The following C10orf90 variants were observed in gnomAD, a reference collection of about 807,000 sequenced individuals.
The protein encoded by C10orf90 is (E2-independent) E3 ubiquitin-conjugating enzyme FATS.
In C10orf90, 56 loss-of-function variants were observed where a neutral mutation model predicts 62.5. The observed-to-expected ratio is 0.90, with a 90% CI of 0.72 to 1.12. The LOEUF (loss-of-function observed/expected upper bound fraction) is 1.12, where lower values mean the gene tolerates loss of function less well. Among genes scored for constraint, C10orf90 ranks in the 50% most tolerant of loss-of-function variants. The pLI is 0.00. For synonymous variants in C10orf90, 386 were observed against 340.4 expected, an observed-to-expected ratio of 1.13 and a Z score of -1.47; for missense variants, 970 against 880.4, an observed-to-expected ratio of 1.10 and a Z score of -1.29.
At chr10:126,430,877 A>G (rs1857533569) in intron 7 of C10orf90, among the ~76,000 whole-genome samples, 2 of 152,214 alleles carry the variant, frequency 1.3e-5, no homozygotes, top group Non-Finnish European at 2.9e-5. Flanking sequence ...GCTTGAGAAT[A>G]GACAGAATTT....
At chr10:126,521,087 G>A (rs150107656) in intron 2 of C10orf90, among the ~76,000 whole-genome samples, 9 of 152,116 alleles carry the variant, frequency 5.9e-5, no homozygotes, top group African/African-American at 2.2e-4. Context: ...CCCAACAGGC[G>A]CTACCGTGCA....
At chr10:126,512,958 C>A (rs985198247) in intron 3 of C10orf90, among the ~76,000 whole-genome samples, 1 of 152,098 alleles carries the variant, frequency 6.6e-6, no homozygotes, top group Non-Finnish European at 1.5e-5. Context: ...CTAACACAAG[C>A]GTTTTGGGTA....
rs2134089630 is a variant in C10orf90 at position 126,456,291 on chromosome 10, A to G, written c.2188+2749T>C. 6.6e-6 allele frequency among the ~76,000 whole-genome samples: 1 copy of G among 152,182 alleles called. No homozygotes were observed. The highest frequency in any genetic ancestry group is 2.1e-4 in the South Asian group (1 of 4,822). On this transcript the variant is annotated intron_variant, in intron 7 of 9. Transcript: ENST00000488181. The surrounding 1 kb of genome is among the most constrained non-coding windows in gnomAD (Gnocchi z 4.9). ...GTCTGATTTCACTGACCTAACACAA[A>G]CGAACCCAAAAGTAAAGCTCTCATC...
chr10:126,523,563 A>AT (rs1235798215), intron 2 of C10orf90: 1 of 152,202 alleles, frequency 6.6e-6, no homozygotes, highest in African/African-American at 2.4e-5. Context: ...GAGTTGTCTC[A>AT]TTTTTTGAAA....
intron 2 of C10orf90, among the ~76,000 whole-genome samples, chr10:126,617,111 A>G (rs1845556038): frequency 6.6e-6 from 1 of 152,214 alleles, no homozygotes; most frequent in Non-Finnish European, 1.5e-5. Context: ...AGCAGAGCAA[A>G]AACACATTGG....
intron 2 of C10orf90, among the ~76,000 whole-genome samples, chr10:126,531,965 T>C (rs1054081900): frequency 3.3e-5 from 5 of 152,204 alleles, no homozygotes; most frequent in African/African-American, 4.8e-5. Flanking sequence ...AAAATGGAGT[T>C]ACCGAATATT....
intron 2 of C10orf90, chr10:126,523,049 T>C (rs1176487229): frequency 6.6e-6 from 1 of 152,192 alleles, no homozygotes; most frequent in Non-Finnish European, 1.5e-5. Context: ...TTAGATACAG[T>C]TTTACACATA....
At chr10:126,523,316 G>T (rs1036456) in intron 2 of C10orf90, among the ~76,000 whole-genome samples, 1 of 151,998 alleles carries the variant, frequency 6.6e-6, no homozygotes, top group Non-Finnish European at 1.5e-5. Flanking sequence ...AATAATGCAC[G>T]TGAAAGCACC....
intron 2 of C10orf90, among the ~76,000 whole-genome samples, chr10:126,581,085 G>T (rs574793298): frequency 6.6e-6 from 1 of 152,274 alleles, no homozygotes; most frequent in African/African-American, 2.4e-5. Flanking sequence ...ACTAGCCGCC[G>T]TGCAGAGTGG....
chr10:126,638,073 C>T (rs763340740), intron 2 of C10orf90, among the ~76,000 whole-genome samples: 3 of 152,160 alleles, frequency 2.0e-5, no homozygotes, highest in Admixed American at 6.5e-5. Context: ...CTGACAACAG[C>T]GGTGTCGTTG....
intron 4 of C10orf90, among the ~76,000 whole-genome samples, chr10:126,471,895 G>T (rs1394230155): frequency 1.3e-5 from 2 of 151,018 alleles, no homozygotes; most frequent in Non-Finnish European, 2.9e-5. Context: ...AGTCTTAAAA[G>T]GTAACAAAAC....
At chr10:126,654,519 G>A (rs1228607272) in intron 1 of C10orf90, among the ~76,000 whole-genome samples, 1 of 152,184 alleles carries the variant, frequency 6.6e-6, no homozygotes, top group Non-Finnish European at 1.5e-5. Context: ...TTAGGGGAAT[G>A]TTGTGGCTGG....
rs1160875162 is a variant in C10orf90 at position 126,476,097 on chromosome 10, T to C, written c.1535-11111A>G. Among the ~76,000 whole-genome samples the C allele has an allele frequency of 5.3e-5, 8 of 151,988 alleles. No homozygotes were observed. The East Asian group carries it at 1.6e-3, about 30-fold the overall frequency. ...TCCATTACAAGATCTAGAAACCCCA[T>C]TTTAGGAAGATATAAATATCTTAGA... is the stretch of plus-strand genomic sequence containing the variant. On this transcript the variant is annotated intron_variant, in intron 4 of 9. Coordinates refer to ENST00000488181, the MANE Select transcript of C10orf90 (RefSeq NM_001350921.2).
At chr10:126,549,627 T>C (rs984618065) in intron 2 of C10orf90, among the ~76,000 whole-genome samples, 6 of 152,080 alleles carry the variant, frequency 3.9e-5, no homozygotes, top group African/African-American at 1.4e-4. Context: ...AAACTAAATA[T>C]GTAACTATTC....
chr10:126,597,976 T>C (rs1365674545), intron 2 of C10orf90, among the ~76,000 whole-genome samples: 6 of 152,166 alleles, frequency 3.9e-5, no homozygotes, highest in Non-Finnish European at 5.9e-5. Context: ...GCTATGAATA[T>C]ACCTAGCCCA....
At chr10:126,658,693 C>T (rs995185699) in intron 1 of C10orf90, among the ~76,000 whole-genome samples, 1 of 152,160 alleles carries the variant, frequency 6.6e-6, no homozygotes, top group African/African-American at 2.4e-5. Flanking sequence ...AGACAGGCTA[C>T]AGAATAGAAT....
At chr10:126,435,486 T>C (rs1041440525) in intron 7 of C10orf90, among the ~76,000 whole-genome samples, 39 of 152,094 alleles carry the variant, frequency 2.6e-4, no homozygotes, top group Admixed American at 2.0e-4. Flanking sequence ...ATGGATTTCA[T>C]AAAGGGTCTG....
At position 126,558,953 on chromosome 10, in the gene C10orf90, G is replaced by A. The variant is rs140320991; in HGVS notation, c.314-45014C>T. ...CACACACCATTAGAAATGCTAAAGG[G>A]CAATATGATCTCATTACTGGAATGA... On this transcript the variant is annotated intron_variant, in intron 2 of 9. Transcript: ENST00000488181. Among the ~76,000 whole-genome samples, 1,170 of 152,302 alleles carry A rather than the reference G, an allele frequency of 7.7e-3. 11 individuals carry two copies. The highest frequency in any genetic ancestry group is 0.027 in the African/African-American group (1,108 of 41,568).
intron 7 of C10orf90, among the ~76,000 whole-genome samples, chr10:126,435,579 G>A (rs982599530): frequency 2.6e-5 from 4 of 152,174 alleles, no homozygotes; most frequent in African/African-American, 9.7e-5. Context: ...TCCAAGGAGA[G>A]ACCCCTGATA....
Sources: gnomAD v4.1 joint callset for allele counts (sites outside exome capture counted in the v4.1 genomes callset) on GRCh38, gnomAD v4.1.1 for gene constraint, Gnocchi (gnomAD v3.1) non-coding constraint, MANE v1.5 for transcripts, NCBI Gene and HGNC (gene_info 2026-07-23, HGNC 2026-07-21) for gene names.